Variants in FAM13A observed in about 807,000 individuals in gnomAD.
The protein encoded by FAM13A is protein FAM13A.
In FAM13A, 76 loss-of-function variants were observed where a neutral mutation model predicts 129.6. The ratio of observed to expected loss-of-function variants is 0.59; its 90% CI spans 0.49 to 0.71. FAM13A has a LOEUF of 0.71. FAM13A is among the 30% of genes least tolerant of loss of function. The pLI, the probability that FAM13A is intolerant of heterozygous loss-of-function variation, is 0.00. For synonymous variants in FAM13A, 443 were observed against 449.9 expected (o/e 0.98, Z 0.20); for missense variants, 1,108 against 1,249.3 (o/e 0.89, Z 1.70).
Position 89,007,727 on chromosome 4 carries a change from T to C in FAM13A, c.427+12733A>G, listed in dbSNP as rs967697581. ...CTAATGCAGAGAGCAAATGGCAAACTGAGATTTGAAATCTATTGGAATGGA... is the reference window on the plus strand; with the variant it reads ...CTAATGCAGAGAGCAAATGGCAAACCGAGATTTGAAATCTATTGGAATGGA... On this transcript the variant is annotated intron_variant, in intron 3 of 23. Transcript: ENST00000264344. Among the ~76,000 whole-genome samples, 51 of 152,226 alleles carry C rather than the reference T, an allele frequency of 3.4e-4. 1 individual carries two copies. The highest frequency in any genetic ancestry group is 1.2e-4 in the Non-Finnish European group (8 of 68,042).
chr4:88,815,031 C>T (rs1345836712), intron 7 of FAM13A, among the ~76,000 whole-genome samples: 1 of 152,010 alleles, frequency 6.6e-6, no homozygotes, highest in African/African-American at 2.4e-5. Context: ...TTTGTAGAGA[C>T]AGAGTCTCAC....
chr4:88,869,031 C>T (rs369957476), intron 6 of FAM13A, among the ~76,000 whole-genome samples: 1 of 152,184 alleles, frequency 6.6e-6, no homozygotes, highest in Non-Finnish European at 1.5e-5. Context: ...TTATGGAGCA[C>T]ACAGCAGGGC....
chr4:88,973,578 C>T (rs909760843), intron 4 of FAM13A, among the ~76,000 whole-genome samples: 4 of 82,560 alleles, frequency 4.8e-5, no homozygotes, highest in Non-Finnish European at 7.4e-5. Context: ...CCATTAGGGC[C>T]CTTATCCTAT....
At chr4:88,865,842 T>G (rs1212527890) in intron 6 of FAM13A, among the ~76,000 whole-genome samples, 1 of 146,142 alleles carries the variant, frequency 6.8e-6, no homozygotes, top group Non-Finnish European at 1.5e-5. Context: ...AATTCTAACA[T>G]CATTCATTTC....
chr4:88,907,925 T>C (rs754710525), intron 5 of FAM13A, among the ~76,000 whole-genome samples: 9 of 152,322 alleles, frequency 5.9e-5, no homozygotes, highest in Admixed American at 1.3e-4. Flanking sequence ...CAAGATCACA[T>C]AGACAGTGGC....
At chr4:89,013,494 TAC>T (rs79430947) in intron 3 of FAM13A, among the ~76,000 whole-genome samples, 28,353 of 151,970 alleles carry the variant, frequency 0.19, 2,850 homozygotes, top group East Asian at 0.4. Flanking sequence ...GTTGCTCAAT[TAC>T]AGTCATGCAC....
At chr4:88,886,817 G>A (rs1215295412) in intron 6 of FAM13A, among the ~76,000 whole-genome samples, 2 of 151,454 alleles carry the variant, frequency 1.3e-5, no homozygotes, top group South Asian at 4.2e-4. Flanking sequence ...TGAAGCACGA[G>A]AATCACTTGA....
At chr4:88,834,454 T>A (rs1734469175) in intron 7 of FAM13A, among the ~76,000 whole-genome samples, 1 of 151,772 alleles carries the variant, frequency 6.6e-6, no homozygotes, top group Non-Finnish European at 1.5e-5. Context: ...AACTAGTGAA[T>A]CCCCAAAAAA....
At chr4:88,786,635 G>A (rs901248443) in intron 10 of FAM13A, among the ~76,000 whole-genome samples, 12 of 151,740 alleles carry the variant, frequency 7.9e-5, no homozygotes, top group Admixed American at 2.0e-4. Flanking sequence ...TACTGCACAT[G>A]CTACTTGTAA....
chr4:88,979,302 C>T lies in FAM13A; in HGVS notation c.605+11671G>A, dbSNP rs185375296. Among the ~76,000 whole-genome samples, 740 of 152,270 alleles carry T rather than the reference C, an allele frequency of 4.9e-3. 2 individuals carry two copies. Among genetic ancestry groups the T allele is most frequent in the Non-Finnish European group, 8.7e-3 (591 of 68,020 alleles). On this transcript the variant is annotated intron_variant, in intron 4 of 23. Transcript: ENST00000264344. ...GAGCACAAATTTGATGATACGCATA[C>T]CCTTTAACCAGCAAGTTTAATTCTA...
chr4:88,863,702 A>G (rs563526590), intron 6 of FAM13A, among the ~76,000 whole-genome samples: 1 of 152,332 alleles, frequency 6.6e-6, no homozygotes, highest in South Asian at 2.1e-4. Context: ...ATGTCTGCAG[A>G]TAATTGGAGA....
At chr4:88,908,471 T>C (rs952828057) in intron 5 of FAM13A, among the ~76,000 whole-genome samples, 12 of 152,208 alleles carry the variant, frequency 7.9e-5, no homozygotes, top group Admixed American at 7.9e-4. Context: ...ACTGTCTGAG[T>C]GTTTACAAAT....
chr4:88,859,709 G>A (rs1739162761), intron 6 of FAM13A, among the ~76,000 whole-genome samples: 1 of 152,212 alleles, frequency 6.6e-6, no homozygotes. Context: ...CCTCAGCTTA[G>A]TTGCGTGGGT....
intron 4 of FAM13A, among the ~76,000 whole-genome samples, chr4:88,984,425 A>C (rs1487294375): frequency 6.6e-6 from 1 of 152,178 alleles, no homozygotes; most frequent in African/African-American, 2.4e-5. Context: ...AAGTATATAA[A>C]CAACTCTTAT....
intron 3 of FAM13A, among the ~76,000 whole-genome samples, chr4:89,019,736 G>C (rs1183780867): frequency 6.7e-6 from 1 of 148,478 alleles, no homozygotes; most frequent in African/African-American, 2.5e-5. Context: ...ACTCCAGCCT[G>C]GGTGACAAGA....
At chr4:88,893,931 A>C (rs893791166) in intron 6 of FAM13A, among the ~76,000 whole-genome samples, 1 of 152,168 alleles carries the variant, frequency 6.6e-6, no homozygotes, top group Admixed American at 6.5e-5. Flanking sequence ...GGCCCGACCT[A>C]ACTGCAAAGG....
chr4:88,761,715 C>T (rs1744851141), intron 13 of FAM13A, among the ~76,000 whole-genome samples: 1 of 151,930 alleles, frequency 6.6e-6, no homozygotes, highest in African/African-American at 2.4e-5. Flanking sequence ...TGAAAGGCCT[C>T]ATATGCCAGG....
At chr4:88,891,356 G>A (rs533644436) in intron 6 of FAM13A, among the ~76,000 whole-genome samples, 6 of 152,278 alleles carry the variant, frequency 3.9e-5, no homozygotes, top group Admixed American at 1.3e-4. Context: ...GGAGATTGAG[G>A]CTGCAGTGAG....
At chr4:88,854,200 C>G (rs1204403118) in intron 6 of FAM13A, among the ~76,000 whole-genome samples, 1 of 152,170 alleles carries the variant, frequency 6.6e-6, no homozygotes, top group African/African-American at 2.4e-5. Context: ...AAACTCCATG[C>G]TTTTATAAAA....
Sources: allele counts gnomAD v4.1 joint callset (sites outside exome capture counted in the v4.1 genomes callset), GRCh38; gene constraint gnomAD v4.1.1; transcripts MANE v1.5; gene names NCBI Gene and HGNC (gene_info 2026-07-23, HGNC 2026-07-21).